Variants in LINGO2 observed in about 807,000 individuals in gnomAD.
LINGO2 encodes the protein leucine rich repeat and Ig domain containing 2, also known as leucine-rich repeat and immunoglobulin-like domain-containing nogo receptor-interacting protein 2.
A neutral mutation model predicts 30.6 loss-of-function variants in LINGO2; 14 were observed. The observed-to-expected ratio is 0.46, with a 90% CI of 0.30 to 0.72. The LOEUF (loss-of-function observed/expected upper bound fraction) is 0.72. LINGO2 is among the 30% of genes least tolerant of loss of function. LINGO2 has a pLI of 0.07. For missense variants in LINGO2, 729 were observed against 751.7 expected (o/e 0.97, Z 0.35); for synonymous variants, 317 against 288.5 (o/e 1.10, Z -1.00).
At chr9:27,977,671 T>C (rs1490532947) in intron 5 of LINGO2, among the ~76,000 whole-genome samples, 1 of 151,844 alleles carries the variant, frequency 6.6e-6, no homozygotes. Context: ...ACTACTGTGT[T>C]AGTGAAATAT....
the LINGO2 span, among the ~76,000 whole-genome samples, chr9:28,756,319 G>C: frequency 6.6e-6 from 1 of 151,932 alleles, no homozygotes; most frequent in Non-Finnish European, 1.5e-5. Flanking sequence ...TTTGGAGCTG[G>C]AACATTAACC....
At chr9:28,048,327 A>T (rs111717803) in intron 4 of LINGO2, among the ~76,000 whole-genome samples, 2 of 150,996 alleles carry the variant, frequency 1.3e-5, no homozygotes, top group African/African-American at 4.9e-5. Context: ...AATTTTTTGT[A>T]TAACAATAAC....
chr9:28,008,015 T>C (rs1436304443), intron 5 of LINGO2, among the ~76,000 whole-genome samples: 1 of 152,160 alleles, frequency 6.6e-6, no homozygotes, highest in African/African-American at 2.4e-5. Context: ...CCAGCGCATG[T>C]TTACTGAATG....
At chr9:28,406,501 A>G (rs1257707427) in intron 2 of LINGO2, among the ~76,000 whole-genome samples, 5 of 152,148 alleles carry the variant, frequency 3.3e-5, no homozygotes, top group African/African-American at 7.2e-5. Context: ...ATTGATGACC[A>G]TTTCCAGCCA....
chr9:28,273,634 T>C (rs1823018266), intron 4 of LINGO2, among the ~76,000 whole-genome samples: 2 of 152,200 alleles, frequency 1.3e-5, no homozygotes, highest in African/African-American at 4.8e-5. Flanking sequence ...GTTTGCTTAC[T>C]ATTTCATCTG....
At chr9:28,916,686 C>A in the LINGO2 span, among the ~76,000 whole-genome samples, 2 of 152,206 alleles carry the variant, frequency 1.3e-5, no homozygotes, top group Admixed American at 1.3e-4. Context: ...ACATATAAAA[C>A]CAAGCTGTAG....
the LINGO2 span, among the ~76,000 whole-genome samples, chr9:29,204,336 T>C: frequency 6.6e-6 from 1 of 152,214 alleles, no homozygotes; most frequent in Non-Finnish European, 1.5e-5. Flanking sequence ...TCAACTTCAT[T>C]TCTTATATGC....
At chr9:28,830,834 C>T in the LINGO2 span, among the ~76,000 whole-genome samples, 11 of 147,868 alleles carry the variant, frequency 7.4e-5, no homozygotes, top group Admixed American at 1.3e-4. Flanking sequence ...TGCACACACA[C>T]GTGTGCATGG....
intron 2 of LINGO2, among the ~76,000 whole-genome samples, chr9:28,400,956 T>C (rs1347489158): frequency 6.6e-6 from 1 of 152,216 alleles, no homozygotes; most frequent in Non-Finnish European, 1.5e-5. Context: ...AATCATTTTT[T>C]CTGTTTTTTA....
At chr9:28,588,049 T>C (rs948647301) in intron 1 of LINGO2, among the ~76,000 whole-genome samples, 6 of 152,030 alleles carry the variant, frequency 3.9e-5, no homozygotes, top group Admixed American at 3.9e-4. Context: ...AAGCCATACC[T>C]GGCTCTCAGT....
chr9:28,936,417 CA>C, the LINGO2 span, among the ~76,000 whole-genome samples: 1 of 152,120 alleles, frequency 6.6e-6, no homozygotes, highest in Admixed American at 6.6e-5. Context: ...CAAATGGATA[CA>C]ATGGTTTCCC....
intron 1 of LINGO2, among the ~76,000 whole-genome samples, chr9:28,532,515 C>A (rs1381038778): frequency 1.3e-5 from 2 of 151,872 alleles, no homozygotes; most frequent in Non-Finnish European, 2.9e-5. Context: ...CAAGACAAAA[C>A]AAAGGCTTTG....
chr9:28,039,441 G>A (rs1147817), intron 4 of LINGO2, among the ~76,000 whole-genome samples: 151,278 of 152,282 alleles, frequency 0.99, 75,150 homozygotes, highest in Middle Eastern at 1. Context: ...GGGAAGACAA[G>A]AGGGAAAAAA....
chr9:28,172,609 CA>C (rs1364148075), intron 4 of LINGO2, among the ~76,000 whole-genome samples: 1 of 152,136 alleles, frequency 6.6e-6, no homozygotes, highest in African/African-American at 2.4e-5. Context: ...TATAAATTTA[CA>C]CATGAAGAAG....
the LINGO2 span, among the ~76,000 whole-genome samples, chr9:28,876,802 T>A: frequency 6.6e-6 from 1 of 152,122 alleles, no homozygotes; most frequent in Non-Finnish European, 1.5e-5. Context: ...TAATTCTAGT[T>A]CTAGATCCCT....
chr9:28,655,589 T>G (rs2135989687), intron 1 of LINGO2, among the ~76,000 whole-genome samples: 1 of 152,128 alleles, frequency 6.6e-6, no homozygotes, highest in African/African-American at 2.4e-5. Flanking sequence ...TCATCTTGAA[T>G]TGTACTTCCC....
At chr9:29,085,430 T>C in the LINGO2 span, among the ~76,000 whole-genome samples, 1 of 151,772 alleles carries the variant, frequency 6.6e-6, no homozygotes, top group African/African-American at 2.4e-5. Flanking sequence ...CAGTCTAACC[T>C]AAGCTATGAA....
At chr9:29,038,802 G>C in the LINGO2 span, among the ~76,000 whole-genome samples, 1 of 151,820 alleles carries the variant, frequency 6.6e-6, no homozygotes, top group Non-Finnish European at 1.5e-5. Flanking sequence ...ACAGAAAGTA[G>C]AGCAGGATTA....
chr9:28,068,631 T>A (rs1173975839), intron 4 of LINGO2, among the ~76,000 whole-genome samples: 1 of 152,118 alleles, frequency 6.6e-6, no homozygotes, highest in Non-Finnish European at 1.5e-5. Flanking sequence ...AACAAAGTAG[T>A]TTTTCTTTTT....
Sources: allele counts gnomAD v4.1 joint callset (sites outside exome capture counted in the v4.1 genomes callset), GRCh38; gene constraint gnomAD v4.1.1; transcripts MANE v1.5; gene names NCBI Gene and HGNC (gene_info 2026-07-23, HGNC 2026-07-21).